DIAPH2: variants seen among roughly 807,000 people sequenced by gnomAD.
DIAPH2 encodes protein diaphanous homolog 2.
DIAPH2 carries 35 observed loss-of-function variants against 92.7 expected under a neutral mutation model. That is an observed-to-expected ratio of 0.38 (90% CI 0.29 to 0.50). The LOEUF is 0.50. DIAPH2 is among the 20% of genes least tolerant of loss of function. The pLI, the probability that DIAPH2 is intolerant of heterozygous loss-of-function variation, is 0.94. For missense variants in DIAPH2, 701 were observed against 819.5 expected, an observed-to-expected ratio of 0.86 and a Z score of 1.77; for synonymous variants, 301 against 280.4, an observed-to-expected ratio of 1.07 and a Z score of -0.73.
chrX:96,745,791 G>T (rs749874884), intron 3 of DIAPH2, among the ~76,000 whole-genome samples: 2 of 112,347 alleles, frequency 1.8e-5, no homozygotes, highest in South Asian at 7.4e-4. Flanking sequence ...TCTATTCTGT[G>T]CATTGGTGCA....
Position 97,570,091 on chromosome X carries a change from TA to T in DIAPH2, c.3242-29161del, listed in dbSNP as rs775919831. Among the ~76,000 whole-genome samples the T allele has an allele frequency of 5.8e-3, 166 of 28,710 alleles. 3 individuals are homozygous for T. The highest frequency in any genetic ancestry group is 0.018 in the African/African-American group (162 of 9,110). 24.9% of individuals were successfully genotyped at this position (28,710 alleles called of 115,157 possible). ...AGGCCTTCTAATATATATATATATA[TA>T]TATATATATATATATATATATATAT... On this transcript the variant is annotated intron_variant, in intron 26 of 26. Coordinates refer to ENST00000324765, the MANE Select transcript of DIAPH2 (RefSeq NM_006729.5).
intron 24 of DIAPH2, among the ~76,000 whole-genome samples, chrX:97,364,769 T>G (rs866160438): frequency 1.1e-5 from 1 of 94,604 alleles, no homozygotes; most frequent in African/African-American, 4.7e-5. Flanking sequence ...GTTTTTTTTT[T>G]TTTTTTTTTG....
chrX:97,173,139 G>T (rs1190524441), intron 22 of DIAPH2, among the ~76,000 whole-genome samples: 1 of 112,533 alleles, frequency 8.9e-6, no homozygotes, highest in Admixed American at 9.4e-5. Context: ...AGGGGCTTAT[G>T]CCTATAATCC....
intron 23 of DIAPH2, among the ~76,000 whole-genome samples, chrX:97,300,931 T>TAAAAAAAAAAAAAAAAAAAA (rs774601881): frequency 1.9e-4 from 2 of 10,793 alleles, no homozygotes; most frequent in Admixed American, 2.8e-3. Flanking sequence ...GACTCCGTCT[T>TAAAAAAAAAAAAAAAAAAAA]AAAAAAAAAA....
At chrX:96,741,474 A>ATT (rs139362386) in intron 3 of DIAPH2, among the ~76,000 whole-genome samples, 1 of 70,135 alleles carries the variant, frequency 1.4e-5, no homozygotes, top group Non-Finnish European at 2.7e-5. Flanking sequence ...TCTCATCTTA[A>ATT]TTTTTTTTTT....
Position 97,428,296 on chromosome X carries a change from G to A in DIAPH2, c.3146-1354G>A, listed in dbSNP as rs925326620. 8.1e-5 allele frequency among the ~76,000 whole-genome samples: 9 copies of A among 111,439 alleles called. No individual in the cohort carries two copies. In the East Asian group the frequency reaches 1.7e-3, roughly 21 times the overall value. ...TATAATCCCAGTACTTTGGGAGGCC[G>A]AGGTGGGCGGATCACCTGAAGTCAG... On this transcript the variant is annotated intron_variant, in intron 25 of 26. Coordinates refer to ENST00000324765, the MANE Select transcript of DIAPH2 (RefSeq NM_006729.5).
rs555114659 is a variant in DIAPH2 at position 97,251,167 on chromosome X, C to T, written c.2844+3328C>T. The stretch of plus-strand genomic sequence containing the variant: ...GTTCATGGCTGACACCCTATAATAC[C>T]ATATTAACAAGAGCAAAGCATACAA... On this transcript the variant is annotated intron_variant, in intron 23 of 26. Transcript: ENST00000324765. Among the ~76,000 whole-genome samples, 66 of 111,662 alleles carry T rather than the reference C, an allele frequency of 5.9e-4. No homozygotes were observed. In the South Asian group the frequency reaches 0.025, roughly 42 times the overall value.
intron 21 of DIAPH2, among the ~76,000 whole-genome samples, chrX:97,125,906 A>G (rs1032632407): frequency 4.5e-5 from 5 of 111,718 alleles, no homozygotes; most frequent in African/African-American, 1.6e-4. Context: ...AATACCCCAT[A>G]TATCAGGAGC....
chrX:97,160,218 A>G (rs937024008), intron 22 of DIAPH2, among the ~76,000 whole-genome samples: 1 of 111,798 alleles, frequency 8.9e-6, no homozygotes, highest in Non-Finnish European at 1.9e-5. Flanking sequence ...GGTCCACCAG[A>G]CCAGCTTGAT....
At chrX:97,551,142 G>GA (rs942589623) in intron 26 of DIAPH2, among the ~76,000 whole-genome samples, 4 of 110,852 alleles carry the variant, frequency 3.6e-5, no homozygotes, top group Non-Finnish European at 5.7e-5. Context: ...GGAGAGGTAT[G>GA]AAAAAATAGA....
intron 3 of DIAPH2, among the ~76,000 whole-genome samples, chrX:96,751,652 G>GTTTTTTTTTTTTTTTTTT (rs1219167141): frequency 2.7e-4 from 16 of 60,297 alleles, no homozygotes; most frequent in African/African-American, 1.0e-3. Flanking sequence ...TCAGTGTTTT[G>GTTTTTTTTTTTTTTTTTT]TTTTTTTTTT....
intron 4 of DIAPH2, among the ~76,000 whole-genome samples, chrX:96,783,293 C>T (rs752716720): frequency 3.6e-5 from 4 of 111,999 alleles, no homozygotes; most frequent in Non-Finnish European, 7.5e-5. Context: ...ATTGGTTTAA[C>T]GACAAGAGAA....
chrX:97,117,952 ATTTG>A (rs1204758725), intron 21 of DIAPH2, among the ~76,000 whole-genome samples: 2 of 110,495 alleles, frequency 1.8e-5, no homozygotes, highest in Non-Finnish European at 3.8e-5. Context: ...CTTCAAGGCC[ATTTG>A]TTTGTTGTTT....
rs1369766558 is a variant in DIAPH2 at position 96,895,427 on chromosome X, T to A, written c.587+13709T>A. On this transcript the variant is annotated intron_variant, in intron 5 of 26. Coordinates refer to ENST00000324765, the MANE Select transcript of DIAPH2 (RefSeq NM_006729.5). The stretch of plus-strand genomic sequence containing the variant: ...TACAAGCATTATGCTGGACACATAC[T>A]GCAGAGGTCTATATAAGCATGATAT... Among the ~76,000 whole-genome samples the A allele has an allele frequency of 2.7e-5, 3 of 112,166 alleles. No homozygotes were observed. In the East Asian group the frequency reaches 8.3e-4, roughly 31 times the overall value.
intron 4 of DIAPH2, among the ~76,000 whole-genome samples, chrX:96,815,339 C>A (rs766914671): frequency 9.0e-6 from 1 of 111,706 alleles, no homozygotes; most frequent in East Asian, 2.8e-4. Context: ...GAGCCAGGCG[C>A]GGGATATAAT....
chrX:96,718,735 T>TA (rs1315248850), intron 1 of DIAPH2, among the ~76,000 whole-genome samples: 1 of 111,822 alleles, frequency 8.9e-6, no homozygotes, highest in African/African-American at 3.3e-5. Flanking sequence ...AGTGCCACAA[T>TA]AAACATGAGA....
intron 23 of DIAPH2, among the ~76,000 whole-genome samples, chrX:97,248,406 TAAAC>T (rs890955749): frequency 7.2e-5 from 8 of 111,763 alleles, no homozygotes; most frequent in Non-Finnish European, 1.5e-4. Flanking sequence ...TCTTGCTAAA[TAAAC>T]ATTTTTTGAA....
intron 24 of DIAPH2, among the ~76,000 whole-genome samples, chrX:97,360,668 C>T (rs1268046004): frequency 1.8e-5 from 2 of 110,975 alleles, no homozygotes; most frequent in East Asian, 2.8e-4. Flanking sequence ...TGGATGAAAT[C>T]GCAAATATAA....
intron 4 of DIAPH2, among the ~76,000 whole-genome samples, chrX:96,880,029 CATCCAGTAT>C (rs2065203312): frequency 8.9e-6 from 1 of 111,748 alleles, no homozygotes; most frequent in Admixed American, 9.6e-5. Context: ...GTCCCCGGCC[CATCCAGTAT>C]ATTTTTAACG....
Sources: allele counts gnomAD v4.1 joint callset (sites outside exome capture counted in the v4.1 genomes callset), GRCh38; gene constraint gnomAD v4.1.1; transcripts MANE v1.5; gene names NCBI Gene and HGNC (gene_info 2026-07-23, HGNC 2026-07-21).